The following CMIP variants were observed in gnomAD, a reference collection of about 807,000 sequenced individuals.
CMIP encodes c-Maf inducing protein, also known as C-Maf-inducing protein.
In CMIP, 13 loss-of-function variants were observed where a neutral mutation model predicts 97.3. The ratio of observed to expected loss-of-function variants is 0.13; its 90% CI spans 0.09 to 0.21. The LOEUF (loss-of-function observed/expected upper bound fraction) is 0.21. CMIP is among the 10% of genes least tolerant of loss of function. The pLI, the probability that CMIP is intolerant of heterozygous loss-of-function variation, is 1.00. For missense variants in CMIP, 847 were observed against 1,024.9 expected (o/e 0.83, Z 2.37); for synonymous variants, 538 against 436.3 (o/e 1.23, Z -2.91).
At chr16:81,462,162 T>A (rs950017918) in intron 1 of CMIP, among the ~76,000 whole-genome samples, 1 of 152,216 alleles carries the variant, frequency 6.6e-6, no homozygotes, top group Non-Finnish European at 1.5e-5. Context: ...CATTCTTGTG[T>A]CTGGGTGGAT....
chr16:81,515,772 A>G (rs999512306), intron 1 of CMIP, among the ~76,000 whole-genome samples: 22 of 152,058 alleles, frequency 1.4e-4, no homozygotes, highest in African/African-American at 3.6e-4. Flanking sequence ...TCGGGAGCCA[A>G]TCTCTGTAGG....
chr16:81,703,805 C>T, intron 17 of CMIP, 134 bp from the exon 18 acceptor site: 1 of 1,264,526 alleles, frequency 7.9e-7, no homozygotes, highest in Non-Finnish European at 1.1e-6. Context: ...CCCATCTCAG[C>T]TCCTGGGATT....
At chr16:81,475,172 T>TTC (rs1444977035) in intron 1 of CMIP, among the ~76,000 whole-genome samples, 1 of 152,118 alleles carries the variant, frequency 6.6e-6, no homozygotes, top group African/African-American at 2.4e-5. Flanking sequence ...TCCTGTCTCT[T>TTC]TCTCTCTCTG....
At chr16:81,610,696 C>T (rs2091817248) in intron 2 of CMIP, among the ~76,000 whole-genome samples, 1 of 152,084 alleles carries the variant, frequency 6.6e-6, no homozygotes, top group Non-Finnish European at 1.5e-5. Flanking sequence ...GTAGCTGGCT[C>T]ATTCTATAAA....
At chr16:81,472,032 A>G (rs557727999) in intron 1 of CMIP, among the ~76,000 whole-genome samples, 1 of 152,220 alleles carries the variant, frequency 6.6e-6, no homozygotes. Context: ...ACACAGATTC[A>G]CGGACATGTA....
rs866333228 is a variant in CMIP, at chr16:81,655,434, C to G, written c.640-2341C>G. On this transcript the variant is annotated intron_variant, in intron 4 of 20. Transcript: ENST00000537098. The surrounding 1 kb of genome is among the most constrained non-coding windows in gnomAD (Gnocchi z 4.9). ...GCAAAGCTGGCTGTCCCCACCCTCC[C>G]AGGCCTTTGTTGAGTTGCGTGTAAA... Among the ~76,000 whole-genome samples the G allele has an allele frequency of 9.2e-5, 14 of 152,216 alleles. No homozygotes were observed. The highest frequency in any genetic ancestry group is 3.4e-4 in the African/African-American group (14 of 41,462).
chr16:81,629,490 G>A (rs536697187), intron 3 of CMIP, among the ~76,000 whole-genome samples: 14 of 152,292 alleles, frequency 9.2e-5, no homozygotes, highest in Middle Eastern at 3.4e-3. Flanking sequence ...GAGGGAAGAC[G>A]TTGCCCTTGA....
chr16:81,675,344 C>T (rs1313520273), intron 9 of CMIP, among the ~76,000 whole-genome samples: 1 of 151,444 alleles, frequency 6.6e-6, no homozygotes, highest in African/African-American at 2.4e-5. Context: ...GCTGGGATTA[C>T]AGGTGTGCAC....
chr16:81,545,995 G>A (rs574113779), intron 1 of CMIP, among the ~76,000 whole-genome samples: 52 of 152,320 alleles, frequency 3.4e-4, no homozygotes, highest in Non-Finnish European at 6.5e-4. Flanking sequence ...GAAGTGGGAC[G>A]GGGCGGTGGG....
intron 7 of CMIP, chr16:81,666,027 G>A (rs1186473377): frequency 6.6e-6 from 1 of 152,170 alleles, no homozygotes; most frequent in Non-Finnish European, 1.5e-5. Context: ...CAGAACACAG[G>A]GGATAGGGAC....
At chr16:81,566,478 G>A (rs770778679) in intron 1 of CMIP, among the ~76,000 whole-genome samples, 34 of 152,168 alleles carry the variant, frequency 2.2e-4, no homozygotes, top group Admixed American at 2.6e-4. Context: ...CTGGAGCCAC[G>A]CACAACTGGA....
chr16:81,573,675 A>G (rs2091136748), intron 1 of CMIP, among the ~76,000 whole-genome samples: 1 of 152,212 alleles, frequency 6.6e-6, no homozygotes, highest in Non-Finnish European at 1.5e-5. Flanking sequence ...GACATCACCC[A>G]TAGCATCAGG....
chr16:81,687,603 A>C (rs1332905414), intron 10 of CMIP, among the ~76,000 whole-genome samples: 1 of 152,092 alleles, frequency 6.6e-6, no homozygotes, highest in African/African-American at 2.4e-5. Context: ...ACTTGTGGGA[A>C]ATCACAAACA....
intron 1 of CMIP, among the ~76,000 whole-genome samples, chr16:81,502,762 A>G (rs370487500): frequency 6.6e-6 from 1 of 152,212 alleles, no homozygotes; most frequent in South Asian, 2.1e-4. Context: ...CTGATTACCT[A>G]TTGTTTGAAT....
intron 7 of CMIP, chr16:81,666,426 T>TC (rs1209547514): frequency 1.3e-5 from 2 of 152,192 alleles, no homozygotes; most frequent in Non-Finnish European, 1.5e-5. Context: ...GGGAAAAAAT[T>TC]CATAATTCAG....
chr16:81,515,022 C>T (rs1045463060), intron 1 of CMIP, among the ~76,000 whole-genome samples: 3 of 152,214 alleles, frequency 2.0e-5, no homozygotes, highest in African/African-American at 7.2e-5. Flanking sequence ...GGAGGAAGGT[C>T]ATATCCTTCC....
intron 5 of CMIP, 86 bp downstream of exon 5, chr16:81,657,902 G>A (rs145447875): frequency 1.2e-4 from 138 of 1,155,838 alleles, no homozygotes; most frequent in East Asian, 8.6e-4. Context: ...TAATTCTGGC[G>A]CCTGCGTAAT....
intron 1 of CMIP, among the ~76,000 whole-genome samples, chr16:81,548,750 G>A (rs144169312): frequency 1.2e-3 from 179 of 152,242 alleles, no homozygotes; most frequent in African/African-American, 4.0e-3. Context: ...GGAGGCTGAG[G>A]CAGGAGGATT....
intron 1 of CMIP, among the ~76,000 whole-genome samples, chr16:81,516,516 C>T (rs960041121): frequency 1.3e-5 from 2 of 152,220 alleles, no homozygotes; most frequent in Non-Finnish European, 2.9e-5. Context: ...TGGACACTCT[C>T]ATGCTCTTGC....
Sources: gnomAD v4.1 joint callset for allele counts (sites outside exome capture counted in the v4.1 genomes callset) on GRCh38, gnomAD v4.1.1 for gene constraint, Gnocchi (gnomAD v3.1) non-coding constraint, MANE v1.5 for transcripts, NCBI Gene and HGNC (gene_info 2026-07-23, HGNC 2026-07-21) for gene names.